ADAM12: variants seen among roughly 807,000 people sequenced by gnomAD.
ADAM12 encodes disintegrin and metalloproteinase domain-containing protein 12.
A neutral mutation model predicts 106.4 loss-of-function variants in ADAM12; 70 were observed. That is an observed-to-expected ratio of 0.66 (90% CI 0.54 to 0.80). The LOEUF is 0.80. ADAM12 is among the 30% of genes least tolerant of loss of function. The probability of loss-of-function intolerance (pLI) is 0.00; values close to 1 mark genes in which losing one functional copy is unlikely to be tolerated. For missense variants in ADAM12, 1,010 were observed against 1,171.9 expected, an observed-to-expected ratio of 0.86 and a Z score of 2.02; for synonymous variants, 420 against 433.5, an observed-to-expected ratio of 0.97 and a Z score of 0.39.
chr10:126,143,047 TATATGGTGTGCACATGTGC>T (rs56212342), intron 4 of ADAM12, among the ~76,000 whole-genome samples: 49,015 of 151,786 alleles, frequency 0.32, 8,238 homozygotes, highest in Non-Finnish European at 0.38. Context: ...TGTATGTGTG[TATATGGTGTGCACATGTGC>T]ATATGTGTGC....
chr10:126,043,258 C>A lies in ADAM12; in HGVS notation c.1996-110G>T. The A allele has an allele frequency of 9.9e-7, 1 of 1,007,276 alleles. No homozygotes were observed. Among genetic ancestry groups the A allele is most frequent in the Non-Finnish European group, 1.5e-6 (1 of 674,640 alleles). The allele number at this position is 1,007,276 out of a possible 1,614,324, so 62.4% of individuals were successfully genotyped here. A position where few individuals can be genotyped will look rare whatever the true frequency, so the allele number is the denominator to read the frequency against. ...AGCCCCCCCCCAACACTGACACAGCCAGACTCAGCACACGCCATGGTGCGA... is the reference window on the plus strand; with the variant it reads ...AGCCCCCCCCCAACACTGACACAGCAAGACTCAGCACACGCCATGGTGCGA... On this transcript the variant is annotated intron_variant, in intron 17 of 22. Coordinates refer to ENST00000448723, the MANE Select transcript of ADAM12 (RefSeq NM_001288973.2). The surrounding 1 kb of genome is among the most constrained non-coding windows in gnomAD (Gnocchi z 4.1).
chr10:126,277,253 T>A (rs985769495), intron 3 of ADAM12, among the ~76,000 whole-genome samples: 3 of 152,208 alleles, frequency 2.0e-5, no homozygotes, highest in Non-Finnish European at 4.4e-5. Context: ...GTATGTATAT[T>A]GTTTTCATAG....
chr10:126,369,663 G>A (rs1023407961), intron 1 of ADAM12, among the ~76,000 whole-genome samples: 1 of 152,184 alleles, frequency 6.6e-6, no homozygotes, highest in South Asian at 2.1e-4. Context: ...GCTGCTGCCA[G>A]CTCCAGGACT....
intron 14 of ADAM12, among the ~76,000 whole-genome samples, chr10:126,060,689 G>A (rs1954735118): frequency 2.0e-5 from 3 of 152,200 alleles, no homozygotes; most frequent in Admixed American, 6.5e-5. Flanking sequence ...TGGCTGGCCA[G>A]GGGCCTGGCT....
At chr10:126,168,174 C>T (rs1280811540) in intron 3 of ADAM12, among the ~76,000 whole-genome samples, 1 of 152,198 alleles carries the variant, frequency 6.6e-6, no homozygotes, top group Non-Finnish European at 1.5e-5. Context: ...TTCTTACTCA[C>T]TTCTGAGGCC....
intron 4 of ADAM12, among the ~76,000 whole-genome samples, chr10:126,142,943 T>C (rs976469562): frequency 1.3e-5 from 2 of 151,976 alleles, no homozygotes; most frequent in African/African-American, 4.8e-5. Context: ...TGGGTGTGCA[T>C]GTGTATATAT....
At chr10:126,216,139 A>G (rs1650217252) in intron 3 of ADAM12, among the ~76,000 whole-genome samples, 1 of 152,208 alleles carries the variant, frequency 6.6e-6, no homozygotes, top group African/African-American at 2.4e-5. Context: ...CAGAGAAGAT[A>G]GTGAAACTCC....
intron 3 of ADAM12, among the ~76,000 whole-genome samples, chr10:126,205,602 C>T (rs10736869): frequency 0.82 from 124,627 of 152,212 alleles, 51,130 homozygotes; most frequent in Middle Eastern, 0.9. Context: ...CTGAAAGGGA[C>T]AGGCTTCCAC....
intron 3 of ADAM12, among the ~76,000 whole-genome samples, chr10:126,241,837 C>G (rs1306830104): frequency 6.6e-6 from 1 of 152,170 alleles, no homozygotes. Flanking sequence ...GCTATCAATA[C>G]TTTACAGGGT....
At chr10:126,378,586 A>T (rs1309863423) in intron 1 of ADAM12, among the ~76,000 whole-genome samples, 1 of 152,230 alleles carries the variant, frequency 6.6e-6, no homozygotes, top group African/African-American at 2.4e-5. Flanking sequence ...GTGTGTACAC[A>T]CACACGAACC....
chr10:126,156,238 A>G (rs2133725881), intron 3 of ADAM12, among the ~76,000 whole-genome samples: 1 of 100,574 alleles, frequency 9.9e-6, no homozygotes, highest in East Asian at 2.9e-4. Context: ...GAGTAGAAAC[A>G]GAGTCCTTCT....
intron 14 of ADAM12, among the ~76,000 whole-genome samples, chr10:126,051,893 A>C (rs1195442282): frequency 1.3e-5 from 2 of 152,160 alleles, no homozygotes; most frequent in East Asian, 3.9e-4. Flanking sequence ...ACAGAGTAGG[A>C]GGGTTCAGGG....
At chr10:126,316,171 C>T (rs1183866632) in intron 2 of ADAM12, among the ~76,000 whole-genome samples, 1 of 152,158 alleles carries the variant, frequency 6.6e-6, no homozygotes, top group African/African-American at 2.4e-5. Context: ...TCTAAGAGTT[C>T]TGTTTGAGCA....
At chr10:126,150,880 T>C (rs1317920734) in intron 4 of ADAM12, among the ~76,000 whole-genome samples, 2 of 152,168 alleles carry the variant, frequency 1.3e-5, no homozygotes, top group African/African-American at 4.8e-5. Context: ...CCCATCTTGG[T>C]CTTCTTCTTT....
At chr10:126,316,434 C>T (rs1168079691) in intron 2 of ADAM12, among the ~76,000 whole-genome samples, 4 of 152,286 alleles carry the variant, frequency 2.6e-5, no homozygotes, top group Admixed American at 6.5e-5. Context: ...GCAGGGCCTC[C>T]GCCCTCAGCA....
chr10:126,310,706 G>T (rs996219471), intron 2 of ADAM12, among the ~76,000 whole-genome samples: 2 of 152,128 alleles, frequency 1.3e-5, no homozygotes, highest in Admixed American at 1.3e-4. Context: ...TTTAATTATG[G>T]ATCACTGGGT....
At chr10:126,387,411 A>AGGAGGGAGAATTCTGCT (rs1805651844) in intron 1 of ADAM12, among the ~76,000 whole-genome samples, 1 of 151,908 alleles carries the variant, frequency 6.6e-6, no homozygotes, top group African/African-American at 2.4e-5. Flanking sequence ...GAGTGGAGGA[A>AGGAGGGAGAATTCTGCT]GGAGGGAGAA....
rs997350210 is a variant in ADAM12 at position 126,015,029 on chromosome 10, G to A, written c.*2250C>T. 1 of 152,108 alleles carries A rather than the reference G, an allele frequency of 6.6e-6. No homozygotes were observed. The highest frequency in any genetic ancestry group is 2.4e-5 in the African/African-American group (1 of 41,406). The allele number at this position is 152,108 out of a possible 1,614,324, so 9.4% of individuals were successfully genotyped here. On this transcript the variant is annotated 3_prime_UTR_variant, in exon 23 of 23. Transcript: ENST00000448723. ...ACTGCATCTTGGAAGGATTAATACT[G>A]TCCATATTGTAAGGGAATATTAGTT... is the stretch of plus-strand genomic sequence containing the variant.
At chr10:126,290,770 A>C (rs1353667179) in intron 2 of ADAM12, among the ~76,000 whole-genome samples, 2 of 152,210 alleles carry the variant, frequency 1.3e-5, no homozygotes, top group Non-Finnish European at 2.9e-5. Context: ...CACTGGGTCC[A>C]GTCCTGGGTT....
Sources: gnomAD v4.1 joint callset for allele counts (sites outside exome capture counted in the v4.1 genomes callset) on GRCh38, gnomAD v4.1.1 for gene constraint, Gnocchi (gnomAD v3.1) non-coding constraint, MANE v1.5 for transcripts, NCBI Gene and HGNC (gene_info 2026-07-23, HGNC 2026-07-21) for gene names.